The following EP400 variants were observed in gnomAD, a reference collection of about 807,000 sequenced individuals.
The protein encoded by EP400 is E1A-binding protein p400.
A neutral mutation model predicts 354.1 loss-of-function variants in EP400; 105 were observed. The observed-to-expected ratio is 0.30, with a 90% CI of 0.25 to 0.35. The LOEUF is 0.35. EP400 is among the 10% of genes least tolerant of loss of function. The pLI, the probability that EP400 is intolerant of heterozygous loss-of-function variation, is 1.00. For missense variants in EP400, 3,280 were observed against 4,121.0 expected, an observed-to-expected ratio of 0.80 and a Z score of 5.59; for synonymous variants, 1,646 against 1,716.9, an observed-to-expected ratio of 0.96 and a Z score of 1.02.
intron 12 of EP400, among the ~76,000 whole-genome samples, chr12:132,000,865 G>A (rs1209476863): frequency 6.6e-6 from 1 of 152,184 alleles, no homozygotes; most frequent in South Asian, 2.1e-4. Flanking sequence ...ATTATCTCTT[G>A]CTCTGTATTC....
chr12:131,978,543 TCTTA>T (rs1892560649), intron 2 of EP400, among the ~76,000 whole-genome samples: 1 of 152,186 alleles, frequency 6.6e-6, no homozygotes, highest in South Asian at 2.1e-4. Flanking sequence ...AGATGGGGTC[TCTTA>T]CTTTGTTGCC....
Position 131,990,764 on chromosome 12 carries a change from G to C in EP400, c.2629+50G>C. 7.1e-7 allele frequency: 1 copy of C among 1,412,702 alleles called. No homozygotes were observed. The highest frequency in any genetic ancestry group is 9.9e-7 in the Non-Finnish European group (1 of 1,014,140). The allele number at this position is 1,412,702 out of a possible 1,614,324, so 87.5% of individuals were successfully genotyped here. A position where few individuals can be genotyped will look rare whatever the true frequency, so the allele number is the denominator to read the frequency against. Reference sequence around the variant, plus strand: ...ACCACGCTTGGGTGGTATTTTGTTCGGATTCTTTTCTCAGCAGGCAGTCTC... The same window carrying C: ...ACCACGCTTGGGTGGTATTTTGTTCCGATTCTTTTCTCAGCAGGCAGTCTC... On this transcript the variant is annotated intron_variant, in intron 9 of 52. Coordinates refer to ENST00000389561, the MANE Select transcript of EP400 (RefSeq NM_015409.5). The surrounding 1 kb of genome is among the most constrained non-coding windows in gnomAD (Gnocchi z 4.2).
Position 132,017,870 on chromosome 12 carries a change from T to C in EP400, c.4110+149T>C. On this transcript the variant is annotated intron_variant, in intron 20 of 52. Coordinates refer to ENST00000389561, the MANE Select transcript of EP400 (RefSeq NM_015409.5). The surrounding 1 kb of genome is among the most constrained non-coding windows in gnomAD (Gnocchi z 5.0). ...GATACATGGCACCGTCTAGCAGCAC[T>C]GATGGCCTGCCACCCCTTGCCGGAG... 1 of 941,842 alleles carries C rather than the reference T, an allele frequency of 1.1e-6. No individual in the cohort carries two copies. The highest frequency in any genetic ancestry group is 1.5e-6 in the Non-Finnish European group (1 of 645,494). The allele number at this position is 941,842 out of a possible 1,614,324, so 58.3% of individuals were successfully genotyped here. A position where few individuals can be genotyped will look rare whatever the true frequency, so the allele number is the denominator to read the frequency against.
chr12:132,021,039 C>A, intron 22 of EP400, 40 bp from the exon 23 acceptor site: 1 of 1,536,586 alleles, frequency 6.5e-7, no homozygotes, highest in Non-Finnish European at 8.7e-7. Context: ...TTATTAAGAA[C>A]CTCTAACAGC....
chr12:132,077,586 C>T lies in EP400; in HGVS notation c.9285C>T (p.Ser3095=). Residue 3095 remains serine, a synonymous_variant, in exon 53 of 53, where the codon AGC becomes AGT. Transcript: ENST00000389561. ...GAPNPAQVPA[S]SDSPSQQPKL... is the part of the protein sequence containing the mutation. Reference sequence around the variant, plus strand: ...CCAACCCAGCCCAGGTGCCCGCCAGCTCCGACAGCCCAAGCCAGCAGCCCA... The same window carrying T: ...CCAACCCAGCCCAGGTGCCCGCCAGTTCCGACAGCCCAAGCCAGCAGCCCA... The T allele has an allele frequency of 6.2e-7, 1 of 1,614,002 alleles. No homozygotes were observed. Among genetic ancestry groups the T allele is most frequent in the Admixed American group, 1.7e-5 (1 of 60,004 alleles).
rs146333218 is a variant in EP400, at chr12:131,990,006, C to G, written c.2452C>G (p.Arg818Gly). ...VVRHHEEKQL[R>G]EERGKKEEQS... ...GCGCCATCACGAGGAGAAGCAGCTCCGTGAAGAAAGGGGGAAGAAGGAAGA... is the reference window on the plus strand; with the variant it reads ...GCGCCATCACGAGGAGAAGCAGCTCGGTGAAGAAAGGGGGAAGAAGGAAGA... The change falls in exon 8 of 53, where the codon CGT becomes GGT. Residue 818 changes from arginine (R) to glycine (G), a missense_variant. Around this residue, in one of 20 missense-constraint regions of EP400, gnomAD observed 800 missense variants for 840.0 expected, o/e 0.95. Coordinates refer to ENST00000389561, the MANE Select transcript of EP400 (RefSeq NM_015409.5). This position sits in a 1 kb window ranked among gnomAD's most constrained non-coding sequence, Gnocchi z 4.2. The G allele has an allele frequency of 3.1e-6, 5 of 1,613,542 alleles. No individual in the cohort carries two copies. The highest frequency in any genetic ancestry group is 1.1e-5 in the South Asian group (1 of 90,970).
intron 2 of EP400, among the ~76,000 whole-genome samples, 168 bp downstream of exon 2, chr12:131,962,122 T>A (rs1043598563): frequency 2.6e-5 from 4 of 152,188 alleles, no homozygotes; most frequent in African/African-American, 9.7e-5. Flanking sequence ...GTGTTTGGCC[T>A]CCTTCATGGG....
Position 132,027,591 on chromosome 12 carries a change from C to T in EP400, c.5109+60C>T, listed in dbSNP as rs1894350446. 3.6e-6 allele frequency: 5 copies of T among 1,406,250 alleles called. No homozygotes were observed. In the Admixed American group the frequency reaches 9.1e-5, roughly 26 times the overall value. 87.1% of individuals were successfully genotyped at this position (1,406,250 alleles called of 1,614,324 possible). A position where few individuals can be genotyped will look rare whatever the true frequency, so the allele number is the denominator to read the frequency against. On this transcript the variant is annotated intron_variant, in intron 26 of 52. Transcript: ENST00000389561. This position sits in a 1 kb window ranked among gnomAD's most constrained non-coding sequence, Gnocchi z 4.9. ...GACAGGTAGCTTTCCAAGAGCTGCTCGTTGTGTTTGGTTGTGATATTTAAA... is the reference window on the plus strand; with the variant it reads ...GACAGGTAGCTTTCCAAGAGCTGCTTGTTGTGTTTGGTTGTGATATTTAAA...
chr12:132,017,470 G>T lies in EP400; in HGVS notation c.3924-65G>T. 1 of 1,538,770 alleles carries T rather than the reference G, an allele frequency of 6.5e-7. No individual in the cohort carries two copies. The highest frequency in any genetic ancestry group is 1.2e-5 in the South Asian group (1 of 84,702). ...TTCTGGAGTTGGGACAGTCGATGGT[G>T]AGGGTGGGACTATGTCCATGTGCCG... On this transcript the variant is annotated intron_variant, in intron 19 of 52. Coordinates refer to ENST00000389561, the MANE Select transcript of EP400 (RefSeq NM_015409.5). This position sits in a 1 kb window ranked among gnomAD's most constrained non-coding sequence, Gnocchi z 5.0.
At position 132,045,357 on chromosome 12, in the gene EP400, G is replaced by T; in HGVS notation, c.6823G>T (p.Val2275Phe). The T allele has an allele frequency of 6.2e-7, 1 of 1,614,258 alleles. No individual in the cohort carries two copies. Among genetic ancestry groups the T allele is most frequent in the Admixed American group, 1.7e-5 (1 of 60,036 alleles). The change falls in exon 38 of 53, where the codon GTC becomes TTC. Residue 2275 changes from valine (V) to phenylalanine (F), a missense_variant. Physicochemically the swap from Val to Phe is conservative, Grantham distance 50 (BLOSUM62 -1). Around this residue, in one of 20 missense-constraint regions of EP400, gnomAD observed 231 missense variants for 257.9 expected, o/e 0.90. Coordinates refer to ENST00000389561, the MANE Select transcript of EP400 (RefSeq NM_015409.5). ...GAAGAAGCAGCGTCACGGGGAGGCG[G>T]TCGTCCCTCCTCGGTCCCTGTTTGA... ...RKKKQRHGEA[V>F]VPPRSLFDRA...
At position 132,031,353 on chromosome 12, in the gene EP400, T is replaced by C. The variant is rs534531632; in HGVS notation, c.5755-600T>C. The C allele has an allele frequency of 5.8e-6, 3 of 519,182 alleles. No homozygotes were observed. The East Asian group carries it at 1.6e-4, about 28-fold the overall frequency. 32.2% of individuals were successfully genotyped at this position (519,182 alleles called of 1,614,324 possible). A position where few individuals can be genotyped will look rare whatever the true frequency, so the allele number is the denominator to read the frequency against. ...TTCTTTTGGGGCCTACAAGTTGAGC[T>C]GACAGTAAATGCAAGGTGGACTCTA... On this transcript the variant is annotated intron_variant, in intron 29 of 52. Transcript: ENST00000389561.
In EP400 at chr12:132,043,436, G is replaced by C; in HGVS notation, c.6340G>C (p.Glu2114Gln). 1 of 1,613,264 alleles carries C rather than the reference G, an allele frequency of 6.2e-7. No homozygotes were observed. Among genetic ancestry groups the C allele is most frequent in the Non-Finnish European group, 8.5e-7 (1 of 1,180,010 alleles). ...MPCDEEPSQL[E>Q]ELADFMEQLT... The stretch of plus-strand genomic sequence containing the variant: ...GTGTGATGAAGAACCATCCCAATTA[G>C]AGGAGCTAGCTGACTTCATGGAGCA... Residue 2114 changes from glutamate (E) to glutamine (Q), a missense_variant, in exon 33 of 53, where the codon GAG (glutamate) becomes CAG (glutamine). This residue lies in a region of EP400 where 54 missense variants were observed against 41.3 expected (regional missense o/e 1.31). Transcript: ENST00000389561.
chr12:131,992,929 A>G (rs1893088509), intron 11 of EP400, among the ~76,000 whole-genome samples: 1 of 152,122 alleles, frequency 6.6e-6, no homozygotes, highest in African/African-American at 2.4e-5. Context: ...ATTTTTGAAG[A>G]TTGATCTTTG....
chr12:131,999,834 T>C (rs1011517411), intron 12 of EP400, among the ~76,000 whole-genome samples: 3 of 152,208 alleles, frequency 2.0e-5, no homozygotes, highest in African/African-American at 7.2e-5. Context: ...ATCTACATTT[T>C]AAAATTTATT....
chr12:131,979,709 G>T lies in EP400; in HGVS notation c.1351G>T (p.Gly451Trp). The T allele has an allele frequency of 1.2e-6, 2 of 1,607,648 alleles. No individual in the cohort carries two copies. Among genetic ancestry groups the T allele is most frequent in the Non-Finnish European group, 1.7e-6 (2 of 1,177,052 alleles). Residue 451 changes from glycine (G) to tryptophan (W), a missense_variant, in exon 3 of 53, where the codon GGG (glycine) becomes TGG (tryptophan). This residue lies in a region of EP400 where 800 missense variants were observed against 840.0 expected (regional missense o/e 0.95). Coordinates refer to ENST00000389561, the MANE Select transcript of EP400 (RefSeq NM_015409.5). ...VINDEQQALA[G>W]SLVAGAGSTV... ...TTTTTCCCAGCAGCAAGCCCTCGCA[G>T]GGAGCCTGGTAGCAGGGGCCGGAAG...
At chr12:131,995,145 A>T (rs1193458462) in intron 12 of EP400, 189 bp downstream of exon 12, 3 of 529,866 alleles carry the variant, frequency 5.7e-6, no homozygotes, top group Non-Finnish European at 1.0e-5. Context: ...TGTGTGTCGG[A>T]CACTGCCCTG....
In EP400 at chr12:132,050,245, C is replaced by T; in HGVS notation, c.7201-78C>T. ...TGGGGAGTTTAGCCTCAGATTCCCA[C>T]CCAGTGAGCCCTGTGTCCCACGCAG... On this transcript the variant is annotated intron_variant, in intron 39 of 52. Coordinates refer to ENST00000389561, the MANE Select transcript of EP400 (RefSeq NM_015409.5). The surrounding 1 kb of genome is among the most constrained non-coding windows in gnomAD (Gnocchi z 4.8). 3.2e-6 allele frequency: 5 copies of T among 1,544,518 alleles called. No homozygotes were observed. In the Admixed American group the frequency reaches 9.4e-5, roughly 29 times the overall value.
chr12:132,077,573 A>G lies in EP400; in HGVS notation c.9272A>G (p.Gln3091Arg). Residue 3091 changes from glutamine (Q) to arginine (R), a missense_variant, in exon 53 of 53, where the codon CAG becomes CGG. Transcript: ENST00000389561. ...LQTPGAPNPAQVPASSDSPSQ... is the reference protein window; with the variant it reads ...LQTPGAPNPARVPASSDSPSQ... Reference sequence around the variant, plus strand: ...ACTCCAGGCGCTCCCAACCCAGCCCAGGTGCCCGCCAGCTCCGACAGCCCA... The same window carrying G: ...ACTCCAGGCGCTCCCAACCCAGCCCGGGTGCCCGCCAGCTCCGACAGCCCA... 1.2e-6 allele frequency: 2 copies of G among 1,613,866 alleles called. No homozygotes were observed. The highest frequency in any genetic ancestry group is 1.7e-6 in the Non-Finnish European group (2 of 1,179,942).
intron 12 of EP400, among the ~76,000 whole-genome samples, chr12:131,995,581 A>T (rs890363997): frequency 7.0e-6 from 1 of 143,668 alleles, no homozygotes; most frequent in Non-Finnish European, 1.5e-5. Context: ...GACTGAATGT[A>T]CCGTTCATCC....
Sources: allele counts gnomAD v4.1 joint callset (sites outside exome capture counted in the v4.1 genomes callset), GRCh38; gene constraint gnomAD v4.1.1; regional missense constraint gnomAD v4.1.1; non-coding constraint Gnocchi (gnomAD v3.1); transcripts MANE v1.5; gene names NCBI Gene and HGNC (gene_info 2026-07-23, HGNC 2026-07-21).